Variants in MACF1 observed in about 807,000 individuals in gnomAD.
The protein encoded by MACF1 is microtubule actin crosslinking factor 1.
A neutral mutation model predicts 854.8 loss-of-function variants in MACF1; 193 were observed. That is an observed-to-expected ratio of 0.23 (90% CI 0.20 to 0.25). MACF1 has a LOEUF of 0.25. Among genes scored for constraint, MACF1 ranks in the 10% least tolerant of loss-of-function variants. MACF1 has a pLI of 1.00. For synonymous variants in MACF1, 3,185 were observed against 3,226.7 expected (o/e 0.99, Z 0.44); for missense variants, 7,722 against 8,929.1 (o/e 0.86, Z 5.45).
Position 39,333,536 on chromosome 1 carries a change from T to C in MACF1, c.6948T>C (p.Ile2316=). 6.2e-7 allele frequency: 1 copy of C among 1,614,244 alleles called. No individual in the cohort carries two copies. Among genetic ancestry groups the C allele is most frequent in the Non-Finnish European group, 8.5e-7 (1 of 1,180,024 alleles). The change falls in exon 37 of 101, where the codon ATT becomes ATC. Residue 2316 remains isoleucine (I), a synonymous_variant. Coordinates refer to ENST00000564288, the MANE Select transcript of MACF1 (RefSeq NM_001394062.1). ...TAAATGAAGCAATATCCCGAGGCAT[T>C]GTGCCAAGTCACACTGCCGTGAAGC... ...LLLNEAISRG[I]VPSHTAVKLM... is the part of the protein sequence containing the mutation.
At chr1:39,240,310 T>G (rs748272305) in intron 2 of MACF1, among the ~76,000 whole-genome samples, 4 of 152,208 alleles carry the variant, frequency 2.6e-5, no homozygotes, top group Non-Finnish European at 5.9e-5. Context: ...GTGTTACCTT[T>G]GTTGCCTACA....
chr1:39,101,960 A>AT, intron 2 of MACF1, among the ~76,000 whole-genome samples: 1 of 151,762 alleles, frequency 6.6e-6, no homozygotes, highest in South Asian at 2.1e-4. Flanking sequence ...GCGGATCACG[A>AT]GGTCAGGAGA....
intron 2 of MACF1, among the ~76,000 whole-genome samples, chr1:39,184,688 C>T (rs1367769112): frequency 1.3e-5 from 2 of 152,012 alleles, no homozygotes; most frequent in East Asian, 3.9e-4. Context: ...GTTATTCAGG[C>T]TGTTATTTAT....
At chr1:39,228,933 C>G (rs1306495278) in intron 1 of MACF1, among the ~76,000 whole-genome samples, 1 of 152,316 alleles carries the variant, frequency 6.6e-6, no homozygotes, top group East Asian at 1.9e-4. Context: ...GGATTACAGG[C>G]GTGAGCCACC....
chr1:39,369,228 C>A (rs1170146630), intron 50 of MACF1, among the ~76,000 whole-genome samples: 1 of 152,060 alleles, frequency 6.6e-6, no homozygotes, highest in African/African-American at 2.4e-5. Context: ...TATGACAAGG[C>A]TGGCTGATTT....
chr1:39,424,065 T>C lies in MACF1; in HGVS notation c.16187T>C (p.Val5396Ala). ...QRLLDDRKATVDMLQAEGGRI... is the reference protein window; with the variant it reads ...QRLLDDRKATADMLQAEGGRI... ...CTCCTAGATGATCGAAAGGCCACAG[T>C]AGACATGCTTCAAGCAGAAGGAGGC... Residue 5396 changes from valine to alanine, a missense_variant, in exon 61 of 101, where the codon GTA becomes GCA. Physicochemically the swap from Val to Ala is moderately conservative, Grantham distance 64. Transcript: ENST00000564288. 6.2e-7 allele frequency: 1 copy of C among 1,608,332 alleles called. No homozygotes were observed. The highest frequency in any genetic ancestry group is 1.1e-5 in the South Asian group (1 of 90,730).
chr1:39,214,602 C>T (rs1406849733), intron 1 of MACF1, among the ~76,000 whole-genome samples: 6 of 152,210 alleles, frequency 3.9e-5, no homozygotes, highest in Admixed American at 3.3e-4. Context: ...CTGTGATAAT[C>T]TACCTGGGAG....
intron 26 of MACF1, among the ~76,000 whole-genome samples, chr1:39,312,211 C>A (rs1331691704): frequency 6.6e-6 from 1 of 152,006 alleles, no homozygotes; most frequent in East Asian, 1.9e-4. Context: ...GTGAAAGAGA[C>A]CCTGTCTCAA....
intron 49 of MACF1, among the ~76,000 whole-genome samples, chr1:39,366,990 C>T (rs1197255813): frequency 4.1e-5 from 6 of 145,566 alleles, no homozygotes; most frequent in Non-Finnish European, 6.0e-5. Context: ...CTCTGTTGCC[C>T]AGGCTGGAGT....
chr1:39,280,778 A>G (rs188076002), intron 6 of MACF1, among the ~76,000 whole-genome samples: 3 of 152,160 alleles, frequency 2.0e-5, no homozygotes, highest in African/African-American at 7.2e-5. Flanking sequence ...GGGTTTCACC[A>G]TGTCGGCCAG....
rs1557621299 is a variant in MACF1, at chr1:39,381,961, T to C, written c.13657T>C (p.Trp4553Arg). ...TCATTTCCTCTCTACAGATTCCCGA[T>C]GGGAAAGGGCCACTGAGGTTACTGT... ...KKIQEELNSR[W>R]ERATEVTVAR... is the part of the protein sequence containing the mutation. The change falls in exon 56 of 101, where the codon TGG (tryptophan) becomes CGG (arginine). Residue 4553 changes from tryptophan to arginine, a missense_variant. Trp to Arg is a moderately radical substitution (Grantham distance 101). Coordinates refer to ENST00000564288, the MANE Select transcript of MACF1 (RefSeq NM_001394062.1). The C allele has an allele frequency of 6.2e-7, 1 of 1,612,816 alleles. No individual in the cohort carries two copies. The highest frequency in any genetic ancestry group is 8.5e-7 in the Non-Finnish European group (1 of 1,179,018).
chr1:39,284,506 G>A (rs1645608205), intron 11 of MACF1, 78 bp downstream of exon 11: 11 of 908,444 alleles, frequency 1.2e-5, no homozygotes, highest in African/African-American at 3.4e-5. Flanking sequence ...TAGATTCCTT[G>A]TATTCTTTTC....
intron 58 of MACF1, among the ~76,000 whole-genome samples, chr1:39,400,836 C>T (rs1314301552): frequency 6.6e-6 from 1 of 152,064 alleles, no homozygotes; most frequent in African/African-American, 2.4e-5. Context: ...AGAACAGTTA[C>T]CCCTCTTTGT....
At position 39,379,327 on chromosome 1, in the gene MACF1, G is replaced by A; in HGVS notation, c.13401G>A (p.Lys4467=). 2 of 1,614,110 alleles carry A rather than the reference G, an allele frequency of 1.2e-6. No homozygotes were observed. Among genetic ancestry groups the A allele is most frequent in the Non-Finnish European group, 1.7e-6 (2 of 1,180,014 alleles). ...AILNRMEEVH[K]EANSVLQWLE... Reference sequence around the variant, plus strand: ...TCAACAGAATGGAGGAGGTTCACAAGGAGGCAAACTCTGTGCTGCAGTGGC... The same window carrying A: ...TCAACAGAATGGAGGAGGTTCACAAAGAGGCAAACTCTGTGCTGCAGTGGC... The change falls in exon 54 of 101, where the codon AAG becomes AAA. Residue 4467 remains lysine, a synonymous_variant. Coordinates refer to ENST00000564288, the MANE Select transcript of MACF1 (RefSeq NM_001394062.1).
chr1:39,378,439 G>A (rs1336898151), intron 52 of MACF1, 22 bp from the exon 53 acceptor site: 1 of 1,607,972 alleles, frequency 6.2e-7, no homozygotes, highest in Non-Finnish European at 8.5e-7. Flanking sequence ...TGCCCTGTTT[G>A]TCTCCCTGTC....
intron 2 of MACF1, among the ~76,000 whole-genome samples, chr1:39,176,451 A>G (rs972699104): frequency 2.0e-5 from 3 of 152,172 alleles, no homozygotes; most frequent in African/African-American, 7.2e-5. Context: ...GACTTCTAAT[A>G]GTCCTCTTCG....
At chr1:39,231,542 G>C (rs1178986017) in intron 2 of MACF1, among the ~76,000 whole-genome samples, 2 of 152,056 alleles carry the variant, frequency 1.3e-5, no homozygotes, top group Admixed American at 1.3e-4. Flanking sequence ...AGTCATAATG[G>C]CATGGAAACT....
chr1:39,411,114 C>T (rs763994712), intron 58 of MACF1: 2 of 1,613,584 alleles, frequency 1.2e-6, no homozygotes, highest in East Asian at 2.2e-5. Flanking sequence ...ACACAGCCTG[C>T]ACTGTGGAAA....
rs766248531 is a variant in MACF1, at chr1:39,333,353, G to A, written c.6765G>A (p.Met2255Ile). The change falls in exon 37 of 101, where the codon ATG becomes ATA. Residue 2255 changes from methionine (M) to isoleucine (I), a missense_variant. Around this residue, in one of 15 missense-constraint regions of MACF1, gnomAD observed 1,531 missense variants for 1,601.6 expected, o/e 0.96. Coordinates refer to ENST00000564288, the MANE Select transcript of MACF1 (RefSeq NM_001394062.1). ...AGAACATCGCAGGTGGTAGTATGAT[G>A]ATGTCAGAAAAGACCGATGAGGAAG... is the stretch of plus-strand genomic sequence containing the variant. ...EAQNIAGGSM[M>I]MSEKTDEEDS... 1 of 1,614,088 alleles carries A rather than the reference G, an allele frequency of 6.2e-7. No individual in the cohort carries two copies. Among genetic ancestry groups the A allele is most frequent in the South Asian group, 1.1e-5 (1 of 91,064 alleles).
Sources: gnomAD v4.1 joint callset for allele counts (sites outside exome capture counted in the v4.1 genomes callset) on GRCh38, gnomAD v4.1.1 for gene constraint, gnomAD v4.1.1 regional missense constraint, MANE v1.5 for transcripts, NCBI Gene and HGNC (gene_info 2026-07-23, HGNC 2026-07-21) for gene names.